The following DDX31 variants were observed in gnomAD, a reference collection of about 807,000 sequenced individuals.
The protein encoded by DDX31 is ATP-dependent DNA helicase DDX31.
In DDX31, 70 loss-of-function variants were observed where a neutral mutation model predicts 91.3. The observed-to-expected ratio is 0.77, with a 90% CI of 0.63 to 0.94. DDX31 has a LOEUF of 0.94. DDX31 is among the 40% of genes least tolerant of loss of function. The pLI, the probability that DDX31 is intolerant of heterozygous loss-of-function variation, is 0.00. For missense variants in DDX31, 902 were observed against 925.0 expected, an observed-to-expected ratio of 0.98 and a Z score of 0.32; for synonymous variants, 362 against 350.6, an observed-to-expected ratio of 1.03 and a Z score of -0.36.
chr9:132,658,222 G>A (rs1187824978), intron 6 of DDX31: 3 of 698,116 alleles, frequency 4.3e-6, no homozygotes, highest in East Asian at 5.4e-5. Flanking sequence ...CTTCACACAA[G>A]AGTAAGGAGC....
chr9:132,600,463 C>G (rs1229575745), intron 19 of DDX31, among the ~76,000 whole-genome samples: 1 of 152,140 alleles, frequency 6.6e-6, no homozygotes, highest in Admixed American at 6.5e-5. Context: ...TGCCAAAGAT[C>G]AAGATCTAGT....
At chr9:132,645,869 C>A in intron 13 of DDX31, 26 bp downstream of exon 13, 1 of 1,592,006 alleles carries the variant, frequency 6.3e-7, no homozygotes. Context: ...GCAGTGTTGT[C>A]GCTGCACAGG....
rs74892704 is a variant in DDX31, at chr9:132,612,884, A to C, written c.1826-629T>G. On this transcript the variant is annotated intron_variant, in intron 18 of 19. Transcript: ENST00000372159. ...TTATCCATAGGCAATCCCTGATACC[A>C]GTTTTTTGTGTACTCACTGGACTTT... 8.5e-3 allele frequency among the ~76,000 whole-genome samples: 1,296 copies of C among 152,168 alleles called. 4 individuals carry two copies. The highest frequency in any genetic ancestry group is 0.014 in the Non-Finnish European group (944 of 67,990).
chr9:132,634,010 A>G (rs1188762970), intron 14 of DDX31, among the ~76,000 whole-genome samples: 1 of 152,192 alleles, frequency 6.6e-6, no homozygotes, highest in Non-Finnish European at 1.5e-5. Flanking sequence ...ATTCTAAAAG[A>G]CAAATGATCT....
At chr9:132,661,632 C>G (rs1834954133) in intron 3 of DDX31, among the ~76,000 whole-genome samples, 1 of 152,160 alleles carries the variant, frequency 6.6e-6, no homozygotes, top group Non-Finnish European at 1.5e-5. Context: ...GGTGAGAAAA[C>G]AAGTTTAGGT....
chr9:132,602,242 G>A (rs958499737), intron 19 of DDX31, among the ~76,000 whole-genome samples: 5 of 152,228 alleles, frequency 3.3e-5, no homozygotes, highest in African/African-American at 1.2e-4. Flanking sequence ...GGGACGCCAG[G>A]GGTGCTGAAG....
Position 132,612,093 on chromosome 9 carries a change from A to C in DDX31, c.1988T>G (p.Val663Gly), listed in dbSNP as rs1201451354. ...CGAATTCAGCTCATCTTACCTTTTC[A>C]CGTGTGCTTTCCTCTTCTTTCTAGT... Reference protein sequence around the residue: ...ALTRKKRKAHVKRPDLHKKTQ... With the variant: ...ALTRKKRKAHGKRPDLHKKTQ... The change falls in exon 19 of 20, where the codon GTG (valine) becomes GGG (glycine). Residue 663 changes from valine to glycine, a missense_variant. Coordinates refer to ENST00000372159, the MANE Select transcript of DDX31 (RefSeq NM_022779.9). The C allele has an allele frequency of 6.2e-7, 1 of 1,613,372 alleles. No homozygotes were observed. Among genetic ancestry groups the C allele is most frequent in the Non-Finnish European group, 8.5e-7 (1 of 1,179,390 alleles).
chr9:132,654,807 G>A (rs551193123), intron 6 of DDX31, among the ~76,000 whole-genome samples: 6 of 151,944 alleles, frequency 3.9e-5, no homozygotes, highest in African/African-American at 1.2e-4. Flanking sequence ...TTAGGCGGGC[G>A]TGGTGGTAGG....
At chr9:132,596,253 G>T (rs1830427588) in intron 19 of DDX31, among the ~76,000 whole-genome samples, 2 of 152,230 alleles carry the variant, frequency 1.3e-5, no homozygotes, top group African/African-American at 4.8e-5. Flanking sequence ...CTAATAGTGT[G>T]TTGTTAACCT....
Position 132,617,562 on chromosome 9 carries a change from C to G in DDX31, c.1825+768G>C, listed in dbSNP as rs186458359. Among the ~76,000 whole-genome samples the G allele has an allele frequency of 2.7e-5, 4 of 149,546 alleles. No homozygotes were observed. The East Asian group carries it at 5.8e-4, about 22-fold the overall frequency. ...AAAAAGAAAGGATGCTACAGTGTTC[C>G]GATATTGGTAAGCCAGCCTGGCACT... On this transcript the variant is annotated intron_variant, in intron 18 of 19. Coordinates refer to ENST00000372159, the MANE Select transcript of DDX31 (RefSeq NM_022779.9).
intron 17 of DDX31, among the ~76,000 whole-genome samples, chr9:132,622,785 G>A (rs1349998745): frequency 6.6e-6 from 1 of 152,178 alleles, no homozygotes; most frequent in African/African-American, 2.4e-5. Flanking sequence ...TTCCACATCT[G>A]CTACTAACTT....
At chr9:132,634,325 C>T (rs1432555898) in intron 14 of DDX31, among the ~76,000 whole-genome samples, 1 of 152,170 alleles carries the variant, frequency 6.6e-6, no homozygotes, top group Admixed American at 6.5e-5. Flanking sequence ...TCTGCCACCA[C>T]CAGTCTTTGG....
Position 132,620,726 on chromosome 9 carries a change from G to A in DDX31, c.1714-2285C>T, listed in dbSNP as rs78106436. ...GTCTAAATTTAAACTGAAGACAGAG[G>A]GGGGCAGAGTTATGCAGCACCATCT... On this transcript the variant is annotated intron_variant, in intron 17 of 19. Transcript: ENST00000372159. Among the ~76,000 whole-genome samples the A allele has an allele frequency of 5.9e-3, 898 of 152,240 alleles. 6 individuals are homozygous for A. Among genetic ancestry groups the A allele is most frequent in the African/African-American group, 0.02 (837 of 41,540 alleles).
At chr9:132,659,570 C>T in intron 5 of DDX31, 140 bp downstream of exon 5, 7 of 695,210 alleles carry the variant, frequency 1.0e-5, no homozygotes, top group Non-Finnish European at 1.7e-5. Flanking sequence ...ACATTCAGGG[C>T]TCTAATCAAA....
intron 19 of DDX31, among the ~76,000 whole-genome samples, chr9:132,603,861 G>C (rs996844339): frequency 2.0e-5 from 3 of 152,200 alleles, no homozygotes; most frequent in East Asian, 1.9e-4. Flanking sequence ...AGGAAGCTCA[G>C]GGTCACTGTG....
intron 7 of DDX31, among the ~76,000 whole-genome samples, chr9:132,652,074 G>T (rs770743242): frequency 4.6e-5 from 7 of 151,876 alleles, no homozygotes; most frequent in Non-Finnish European, 8.8e-5. Flanking sequence ...AACATTTTTG[G>T]TAGCAGTAGC....
intron 14 of DDX31, among the ~76,000 whole-genome samples, chr9:132,634,989 C>G (rs530053534): frequency 4.6e-5 from 7 of 152,086 alleles, no homozygotes; most frequent in African/African-American, 1.5e-4. Context: ...GATTGACTTA[C>G]TTAGTTTTTC....
chr9:132,646,708 C>G (rs1833860844), intron 12 of DDX31, 115 bp downstream of exon 12: 1 of 948,304 alleles, frequency 1.1e-6, no homozygotes, highest in Admixed American at 2.0e-5. Flanking sequence ...GGAATGCAGA[C>G]ATAAGTTGGA....
chr9:132,644,190 TAA>T (rs1833672952), intron 13 of DDX31, among the ~76,000 whole-genome samples: 1 of 152,172 alleles, frequency 6.6e-6, no homozygotes, highest in African/African-American at 2.4e-5. Context: ...CTGCAAAGGC[TAA>T]ATACTACACA....
Sources: gnomAD v4.1 joint callset for allele counts (sites outside exome capture counted in the v4.1 genomes callset) on GRCh38, gnomAD v4.1.1 for gene constraint, MANE v1.5 for transcripts, NCBI Gene and HGNC (gene_info 2026-07-23, HGNC 2026-07-21) for gene names.